Variants in KLRG2 observed in about 807,000 individuals in gnomAD.
KLRG2 encodes the protein killer cell lectin-like receptor subfamily G member 2.
In KLRG2, 39 loss-of-function variants were observed where a neutral mutation model predicts 35.4. The ratio of observed to expected loss-of-function variants is 1.10; its 90% CI spans 0.85 to 1.44. KLRG2 has a LOEUF of 1.44. Among genes scored for constraint, KLRG2 ranks in the 40% most tolerant of loss-of-function variants. The pLI is 0.00. For synonymous variants in KLRG2, 283 were observed against 265.8 expected (o/e 1.06, Z -0.63); for missense variants, 632 against 570.9 (o/e 1.11, Z -1.09).
chr7:139,471,659 T>C (rs1469924363), intron 3 of KLRG2, among the ~76,000 whole-genome samples: 1 of 150,356 alleles, frequency 6.7e-6, no homozygotes, highest in Non-Finnish European at 1.5e-5. Context: ...AGACTCGGTC[T>C]CAAAAAAAAA....
the KLRG2 span, among the ~76,000 whole-genome samples, chr7:139,429,255 G>GA: frequency 6.6e-6 from 1 of 152,180 alleles, no homozygotes; most frequent in Non-Finnish European, 1.5e-5. Flanking sequence ...GCAGTGGGCT[G>GA]AGATTTTGCC....
Position 139,483,078 on chromosome 7 carries a change from C to A in KLRG2, c.565G>T (p.Ala189Ser). ...GGTWGRRSPL[A>S]AARTESGCDA... ...CAGCCGCTCTCCGTCCGGGCTGCAG[C>A]CAGCGGCGAGCGGCGGCCCCACGTG... The change falls in exon 1 of 5, where the codon GCT becomes TCT. Residue 189 changes from alanine (A) to serine (S), a missense_variant. Transcript: ENST00000340940. 7.0e-7 allele frequency: 1 copy of A among 1,419,448 alleles called. No individual in the cohort carries two copies. The allele number at this position is 1,419,448 out of a possible 1,614,324, so 87.9% of individuals were successfully genotyped here.
At chr7:139,449,953 G>C (rs1031899759), downstream of KLRG2, among the ~76,000 whole-genome samples, 8 of 151,704 alleles carry the variant, frequency 5.3e-5, no homozygotes, top group Admixed American at 3.9e-4. Flanking sequence ...CGCCCGCCTC[G>C]GCCTCCCAAA....
the KLRG2 span, among the ~76,000 whole-genome samples, chr7:139,445,348 C>G: frequency 3.9e-5 from 6 of 152,144 alleles, no homozygotes; most frequent in Non-Finnish European, 8.8e-5. Context: ...TCTCAAAGTG[C>G]TGGGATTACA....
intron 3 of KLRG2, among the ~76,000 whole-genome samples, chr7:139,461,332 G>T (rs1302900707): frequency 4.6e-5 from 7 of 152,118 alleles, no homozygotes; most frequent in Non-Finnish European, 8.8e-5. Context: ...CCAGGCCTTT[G>T]GTGCAAATAT....
chr7:139,429,710 G>C, the KLRG2 span, among the ~76,000 whole-genome samples: 1 of 152,076 alleles, frequency 6.6e-6, no homozygotes, highest in Non-Finnish European at 1.5e-5. Context: ...AGATCAACAG[G>C]ATCCCAAGGC....
chr7:139,465,641 G>T (rs1483054518), intron 3 of KLRG2, among the ~76,000 whole-genome samples: 2 of 149,492 alleles, frequency 1.3e-5, no homozygotes, highest in Non-Finnish European at 3.0e-5. Context: ...GCGGTGAGCC[G>T]AGATGGCACC....
the KLRG2 span, among the ~76,000 whole-genome samples, chr7:139,430,967 G>A: frequency 6.8e-6 from 1 of 146,710 alleles, no homozygotes; most frequent in Non-Finnish European, 1.5e-5. Flanking sequence ...AGCCGAGATT[G>A]CACCATTGCA....
chr7:139,451,602 G>T (rs1415222213), downstream of KLRG2, among the ~76,000 whole-genome samples: 1 of 152,068 alleles, frequency 6.6e-6, no homozygotes, highest in African/African-American at 2.4e-5. Context: ...CACTCCACCT[G>T]ATGGCTTCCC....
At chr7:139,440,640 T>A in the KLRG2 span, among the ~76,000 whole-genome samples, 4 of 152,082 alleles carry the variant, frequency 2.6e-5, no homozygotes, top group Non-Finnish European at 4.4e-5. Context: ...AATAGAGATA[T>A]GATCTCACTA....
At chr7:139,453,820 G>A in intron 4 of KLRG2, 113 bp from the exon 5 acceptor site, 3 of 1,257,970 alleles carry the variant, frequency 2.4e-6, no homozygotes, top group Non-Finnish European at 1.1e-6. Flanking sequence ...TGGGCACTGA[G>A]TGAGTCACTG....
At chr7:139,468,960 G>A (rs749857918) in intron 3 of KLRG2, among the ~76,000 whole-genome samples, 2 of 152,166 alleles carry the variant, frequency 1.3e-5, no homozygotes, top group Non-Finnish European at 2.9e-5. Flanking sequence ...AGATGGGAGG[G>A]CACAGGATTG....
At chr7:139,476,913 T>C (rs1424712754) in intron 3 of KLRG2, among the ~76,000 whole-genome samples, 1 of 152,208 alleles carries the variant, frequency 6.6e-6, no homozygotes, top group African/African-American at 2.4e-5. Flanking sequence ...GATTGACGTC[T>C]GCCTCACTCA....
chr7:139,475,100 G>GCCCGATCAAATCCTTTCTA (rs1165845438), intron 3 of KLRG2, among the ~76,000 whole-genome samples: 1 of 152,160 alleles, frequency 6.6e-6, no homozygotes, highest in Non-Finnish European at 1.5e-5. Flanking sequence ...AATCCTTTCT[G>GCCCGATCAAATCCTTTCTA]CCCAATCAAA....
At chr7:139,450,828 C>G (rs544888085), downstream of KLRG2, among the ~76,000 whole-genome samples, 1 of 152,294 alleles carries the variant, frequency 6.6e-6, no homozygotes, top group South Asian at 2.1e-4. Context: ...ACATATTTCT[C>G]TTCCCCTTCA....
chr7:139,454,326 C>G, intron 3 of KLRG2, 112 bp from the exon 4 acceptor site: 1 of 658,574 alleles, frequency 1.5e-6, no homozygotes, highest in Admixed American at 2.9e-5. Context: ...CCAGAAGGAT[C>G]TGCTCAAGCC....
the KLRG2 span, among the ~76,000 whole-genome samples, chr7:139,427,155 A>G: frequency 1.3e-5 from 2 of 152,198 alleles, no homozygotes; most frequent in Non-Finnish European, 2.9e-5. Context: ...GAGAGCTGAG[A>G]GAACAGGGTT....
chr7:139,430,674 G>A, the KLRG2 span, among the ~76,000 whole-genome samples: 58,393 of 152,014 alleles, frequency 0.38, 15,640 homozygotes, highest in African/African-American at 0.76. Context: ...AACATTCATA[G>A]CAGCTGTATT....
At chr7:139,481,816 C>G (rs1021819985) in intron 1 of KLRG2, among the ~76,000 whole-genome samples, 6 of 151,944 alleles carry the variant, frequency 3.9e-5, no homozygotes, top group African/African-American at 1.5e-4. Context: ...CCCAGCTACT[C>G]GGGAGGAGGC....
Sources: gnomAD v4.1 joint callset for allele counts (sites outside exome capture counted in the v4.1 genomes callset) on GRCh38, gnomAD v4.1.1 for gene constraint, MANE v1.5 for transcripts, NCBI Gene and HGNC (gene_info 2026-07-23, HGNC 2026-07-21) for gene names.